SGCZ: variants seen among roughly 807,000 people sequenced by gnomAD.
SGCZ encodes the protein sarcoglycan zeta.
SGCZ carries 40 observed loss-of-function variants against 41.3 expected under a neutral mutation model. The ratio of observed to expected loss-of-function variants is 0.97; its 90% CI spans 0.75 to 1.26. SGCZ has a LOEUF of 1.26. Among genes scored for constraint, SGCZ ranks in the 50% most tolerant of loss-of-function variants. The pLI, the probability that SGCZ is intolerant of heterozygous loss-of-function variation, is 0.00. For missense variants in SGCZ, 552 were observed against 369.8 expected, an observed-to-expected ratio of 1.49 and a Z score of -4.04; for synonymous variants, 206 against 137.5, an observed-to-expected ratio of 1.50 and a Z score of -3.49.
intron 1 of SGCZ, among the ~76,000 whole-genome samples, chr8:15,197,983 G>GATACATATATTTACATAA (rs1800784067): frequency 1.4e-5 from 2 of 147,864 alleles, no homozygotes; most frequent in African/African-American, 4.9e-5. Context: ...ATTATGTACA[G>GATACATATATTTACATAA]ATACATATAT....
intron 4 of SGCZ, among the ~76,000 whole-genome samples, chr8:14,224,097 C>T (rs933229180): frequency 5.3e-5 from 8 of 152,116 alleles, no homozygotes; most frequent in Non-Finnish European, 1.0e-4. Flanking sequence ...TTCTGGTACC[C>T]TTAGCTCAAA....
intron 1 of SGCZ, among the ~76,000 whole-genome samples, chr8:14,852,547 C>T (rs1803368578): frequency 6.6e-6 from 1 of 152,158 alleles, no homozygotes; most frequent in Non-Finnish European, 1.5e-5. Flanking sequence ...AAGTAACAAA[C>T]ACCCTACCAA....
At chr8:14,633,292 T>A (rs1806718532) in intron 1 of SGCZ, among the ~76,000 whole-genome samples, 1 of 151,954 alleles carries the variant, frequency 6.6e-6, no homozygotes, top group South Asian at 2.1e-4. Context: ...AGGGACATAA[T>A]GAGGTTTGAA....
intron 1 of SGCZ, among the ~76,000 whole-genome samples, chr8:15,212,915 AG>A (rs1287925564): frequency 3.3e-5 from 5 of 152,106 alleles, no homozygotes; most frequent in African/African-American, 1.2e-4. Flanking sequence ...AACTGATCAC[AG>A]ATCTGCTGAA....
chr8:14,680,237 G>A (rs148184345), intron 1 of SGCZ, among the ~76,000 whole-genome samples: 3,193 of 152,186 alleles, frequency 0.021, 55 homozygotes, highest in South Asian at 0.084. Flanking sequence ...TGGAATTTTA[G>A]GGCAGTGAAA....
chr8:14,094,002 T>A (rs1801767416), intron 7 of SGCZ, among the ~76,000 whole-genome samples: 1 of 152,042 alleles, frequency 6.6e-6, no homozygotes, highest in South Asian at 2.1e-4. Context: ...AGTGCATGAA[T>A]TACATGATGC....
chr8:14,782,426 T>G (rs374442658), intron 1 of SGCZ, among the ~76,000 whole-genome samples: 2 of 152,346 alleles, frequency 1.3e-5, no homozygotes, highest in South Asian at 2.1e-4. Context: ...TGTATCTGTG[T>G]GTTTGGTTTT....
chr8:15,033,217 C>A (rs1317828889), intron 1 of SGCZ, among the ~76,000 whole-genome samples: 1 of 151,956 alleles, frequency 6.6e-6, no homozygotes, highest in South Asian at 2.1e-4. Flanking sequence ...CCCTAGGAAT[C>A]AGGCCAGCCC....
chr8:14,299,599 G>A (rs1205329666), intron 3 of SGCZ, among the ~76,000 whole-genome samples: 2 of 151,950 alleles, frequency 1.3e-5, no homozygotes, highest in South Asian at 4.2e-4. Context: ...GAATATCTCT[G>A]ACAACCACAA....
At chr8:14,127,416 A>C (rs867378823) in intron 5 of SGCZ, among the ~76,000 whole-genome samples, 3 of 152,002 alleles carry the variant, frequency 2.0e-5, no homozygotes, top group Middle Eastern at 3.2e-3. Context: ...CATCACTTTG[A>C]TTAATTTTAA....
At chr8:14,838,087 G>A (rs978162076) in intron 1 of SGCZ, among the ~76,000 whole-genome samples, 5 of 152,072 alleles carry the variant, frequency 3.3e-5, no homozygotes, top group Non-Finnish European at 7.4e-5. Context: ...AATAATCCAG[G>A]CACAGAAAGT....
chr8:15,231,571 G>T (rs1266532652), intron 1 of SGCZ, among the ~76,000 whole-genome samples: 4 of 143,186 alleles, frequency 2.8e-5, no homozygotes, highest in Non-Finnish European at 6.1e-5. Context: ...AAAAAGAAGA[G>T]ACTTTGAGTA....
chr8:14,540,260 T>C (rs1056173930), intron 2 of SGCZ, among the ~76,000 whole-genome samples: 4 of 147,112 alleles, frequency 2.7e-5, no homozygotes, highest in Admixed American at 6.8e-5. Flanking sequence ...CAAATTTCTG[T>C]CTTTTTGTTA....
chr8:14,196,761 C>T (rs760894634), intron 4 of SGCZ, among the ~76,000 whole-genome samples: 20 of 151,786 alleles, frequency 1.3e-4, no homozygotes, highest in South Asian at 2.1e-4. Context: ...AAGCATGCTA[C>T]GTGAAAGAAA....
intron 1 of SGCZ, among the ~76,000 whole-genome samples, chr8:14,567,563 T>G (rs2117222558): frequency 6.6e-6 from 1 of 152,142 alleles, no homozygotes; most frequent in East Asian, 1.9e-4. Context: ...ATCAGCAGGA[T>G]GTGGGTGGGG....
intron 2 of SGCZ, among the ~76,000 whole-genome samples, chr8:14,501,827 A>G (rs1482311163): frequency 6.6e-6 from 1 of 152,112 alleles, no homozygotes; most frequent in Non-Finnish European, 1.5e-5. Context: ...ATAACATATA[A>G]TAGGATGAGG....
At chr8:14,457,519 T>A (rs1446964468) in intron 2 of SGCZ, among the ~76,000 whole-genome samples, 1 of 152,222 alleles carries the variant, frequency 6.6e-6, no homozygotes, top group African/African-American at 2.4e-5. Flanking sequence ...CAGGCTTGCC[T>A]GCAGTTATCC....
At chr8:14,141,643 G>A (rs778994456) in intron 5 of SGCZ, among the ~76,000 whole-genome samples, 1 of 152,082 alleles carries the variant, frequency 6.6e-6, no homozygotes, top group Non-Finnish European at 1.5e-5. Flanking sequence ...TTAGAATGGC[G>A]ATCATTAAAA....
intron 1 of SGCZ, among the ~76,000 whole-genome samples, chr8:15,002,990 G>T (rs969475584): frequency 6.6e-6 from 1 of 151,634 alleles, no homozygotes; most frequent in African/African-American, 2.4e-5. Context: ...TCCCCTGCAC[G>T]TGCTCTCTTG....
Sources: allele counts gnomAD v4.1 joint callset (sites outside exome capture counted in the v4.1 genomes callset), GRCh38; gene constraint gnomAD v4.1.1; transcripts MANE v1.5; gene names NCBI Gene and HGNC (gene_info 2026-07-23, HGNC 2026-07-21).